The following PTCHD1 variants were observed in gnomAD, a reference collection of about 807,000 sequenced individuals.
PTCHD1 encodes patched domain-containing protein 1.
In PTCHD1, 3 loss-of-function variants were observed where a neutral mutation model predicts 34.6. That is an observed-to-expected ratio of 0.09 (90% CI 0.04 to 0.22). The LOEUF is 0.22. PTCHD1 is among the 10% of genes least tolerant of loss of function. PTCHD1 has a pLI of 1.00. For synonymous variants in PTCHD1, 305 were observed against 283.1 expected (o/e 1.08, Z -0.77); for missense variants, 504 against 685.5 (o/e 0.74, Z 2.96).
chrX:23,348,282 A>C (rs1355938434), intron 1 of PTCHD1, among the ~76,000 whole-genome samples: 1 of 110,348 alleles, frequency 9.1e-6, no homozygotes, highest in African/African-American at 3.3e-5. Flanking sequence ...AAAAAAAAAA[A>C]CCCAAACGGA....
At chrX:23,367,814 C>T (rs1922186863) in intron 1 of PTCHD1, among the ~76,000 whole-genome samples, 1 of 111,472 alleles carries the variant, frequency 9.0e-6, no homozygotes, top group Non-Finnish European at 1.9e-5. Flanking sequence ...GGCTACAAAC[C>T]AAAGGACTGT....
chrX:23,350,532 T>TG (rs1921603843), intron 1 of PTCHD1, among the ~76,000 whole-genome samples: 1 of 111,745 alleles, frequency 8.9e-6, no homozygotes, highest in Non-Finnish European at 1.9e-5. Context: ...ATATGCCAGT[T>TG]GCAATACTCC....
chrX:23,359,232 C>T (rs1921902368), intron 1 of PTCHD1, among the ~76,000 whole-genome samples: 1 of 111,953 alleles, frequency 8.9e-6, no homozygotes, highest in South Asian at 3.8e-4. Flanking sequence ...TATAAATTAC[C>T]TTGGGCAGTA....
intron 1 of PTCHD1, among the ~76,000 whole-genome samples, chrX:23,368,501 G>A (rs1283712501): frequency 1.8e-5 from 2 of 111,627 alleles, no homozygotes; most frequent in Non-Finnish European, 3.8e-5. Context: ...CATCTTTGTT[G>A]TGCTCCTTTT....
At position 23,394,409 on chromosome X, in the gene PTCHD1, GACACACACACACACACACACACACAC is replaced by G. The variant is rs34539351; in HGVS notation, c.*241_*266del. 1 of 208,356 alleles carries G rather than the reference GACACACACACACACACACACACACAC, an allele frequency of 4.8e-6. No individual in the cohort carries two copies. The highest frequency in any genetic ancestry group is 7.4e-5 in the Admixed American group (1 of 13,575). 17.2% of individuals were successfully genotyped at this position (208,356 alleles called of 1,213,427 possible). On this transcript the variant is annotated 3_prime_UTR_variant, in exon 3 of 3. Transcript: ENST00000379361. The stretch of plus-strand genomic sequence containing the variant: ...TGTTATGAGAATTCACACACACATA[GACACACACACACACACACACACACAC>G]ACACACACACACACACCCTGGGAGA...
chrX:23,376,776 C>G (rs1351434169), intron 1 of PTCHD1, among the ~76,000 whole-genome samples: 5 of 112,208 alleles, frequency 4.5e-5, no homozygotes, highest in Admixed American at 9.4e-5. Flanking sequence ...CCAACACCCT[C>G]TCTCTGGCTG....
intron 1 of PTCHD1, among the ~76,000 whole-genome samples, chrX:23,343,306 A>C (rs1921390410): frequency 8.9e-6 from 1 of 111,890 alleles, no homozygotes; most frequent in South Asian, 3.8e-4. Flanking sequence ...AATATCTGAC[A>C]ACCTTCTCTG....
chrX:23,383,671 C>A, intron 2 of PTCHD1, among the ~76,000 whole-genome samples: 1 of 111,587 alleles, frequency 9.0e-6, no homozygotes, highest in Non-Finnish European at 1.9e-5. Flanking sequence ...GTTGTGCATA[C>A]TAGACAATCC....
At chrX:23,373,006 T>A (rs1432386079) in intron 1 of PTCHD1, among the ~76,000 whole-genome samples, 3 of 112,554 alleles carry the variant, frequency 2.7e-5, no homozygotes, top group Admixed American at 9.4e-5. Flanking sequence ...ACTACGGGAA[T>A]AAAGAGATTG....
intron 1 of PTCHD1, among the ~76,000 whole-genome samples, chrX:23,354,601 C>T (rs1921748578): frequency 1.0e-5 from 1 of 95,867 alleles, no homozygotes; most frequent in Non-Finnish European, 2.0e-5. Flanking sequence ...GAGACGGAGT[C>T]TCGCTCTGTC....
At chrX:23,350,904 G>A (rs181331156) in intron 1 of PTCHD1, 4 of 152,405 alleles carry the variant, frequency 2.6e-5, no homozygotes, top group African/African-American at 9.5e-5. Context: ...AACTTTGTTT[G>A]CCAGGCATAT....
chrX:23,360,526 G>C (rs1921949061), intron 1 of PTCHD1, among the ~76,000 whole-genome samples: 1 of 111,340 alleles, frequency 9.0e-6, no homozygotes, highest in Non-Finnish European at 1.9e-5. Flanking sequence ...GTGTCTATTT[G>C]ATTCTTCCCT....
chrX:23,355,433 G>A (rs1229551571), intron 1 of PTCHD1, among the ~76,000 whole-genome samples: 5 of 112,566 alleles, frequency 4.4e-5, no homozygotes, highest in Non-Finnish European at 5.6e-5. Context: ...TCCCTTTTAG[G>A]ACATTTTTGC....
chrX:23,390,278 C>A (rs1281374734), intron 2 of PTCHD1, among the ~76,000 whole-genome samples: 1 of 107,986 alleles, frequency 9.3e-6, no homozygotes, highest in African/African-American at 3.4e-5. Flanking sequence ...TATAGTGATC[C>A]CCTGAAGTGT....
chrX:23,364,276 T>C (rs1438022886), intron 1 of PTCHD1, among the ~76,000 whole-genome samples: 3 of 110,118 alleles, frequency 2.7e-5, no homozygotes, highest in African/African-American at 9.9e-5. Flanking sequence ...CTGAGCAATG[T>C]TTATGTGTAT....
chrX:23,342,302 ATATATATATTTTTTT>A (rs1921352466), intron 1 of PTCHD1, among the ~76,000 whole-genome samples: 1 of 10,016 alleles, frequency 1.0e-4, no homozygotes, highest in African/African-American at 1.7e-3. Context: ...ATATATATAT[ATATATATATTTTTTT>A]TTTTTTTTTT....
chrX:23,395,557 C>T lies in PTCHD1; in HGVS notation c.*1372C>T, dbSNP rs573720036. ...CCTTCTGCGTCATCATAGCAAGGCC[C>T]TTCTGTAAATTAACAAGCCTAGATA... On this transcript the variant is annotated 3_prime_UTR_variant, in exon 3 of 3. Transcript: ENST00000379361. The T allele has an allele frequency of 9.0e-6, 1 of 111,640 alleles. No homozygotes were observed. Among genetic ancestry groups the T allele is most frequent in the East Asian group, 2.8e-4 (1 of 3,554 alleles). 9.2% of individuals were successfully genotyped at this position (111,640 alleles called of 1,213,427 possible).
chrX:23,400,557 A>T lies in PTCHD1; in HGVS notation c.*6372A>T, dbSNP rs1190191637. ...TTGACTCCAAGTCAGAAGCTAGATAAAATAGAGGTTGCTGGGGGAAGTTGG... is the reference window on the plus strand; with the variant it reads ...TTGACTCCAAGTCAGAAGCTAGATATAATAGAGGTTGCTGGGGGAAGTTGG... On this transcript the variant is annotated 3_prime_UTR_variant, in exon 3 of 3. Transcript: ENST00000379361. 8.9e-6 allele frequency: 1 copy of T among 112,718 alleles called. No homozygotes were observed. The highest frequency in any genetic ancestry group is 3.2e-5 in the African/African-American group (1 of 31,061). 9.3% of individuals were successfully genotyped at this position (112,718 alleles called of 1,213,427 possible). A position where few individuals can be genotyped will look rare whatever the true frequency, so the allele number is the denominator to read the frequency against.
At chrX:23,375,052 C>G (rs1922373505) in intron 1 of PTCHD1, among the ~76,000 whole-genome samples, 1 of 111,852 alleles carries the variant, frequency 8.9e-6, no homozygotes, top group Non-Finnish European at 1.9e-5. Context: ...CTTTGAAAAG[C>G]TTTATTTAGC....
Sources: allele counts gnomAD v4.1 joint callset (sites outside exome capture counted in the v4.1 genomes callset), GRCh38; gene constraint gnomAD v4.1.1; transcripts MANE v1.5; gene names NCBI Gene and HGNC (gene_info 2026-07-23, HGNC 2026-07-21).